PDCL2: variants seen among roughly 807,000 people sequenced by gnomAD.
PDCL2 encodes the protein phosducin-like protein 2.
A neutral mutation model predicts 30.3 loss-of-function variants in PDCL2; 23 were observed. The observed-to-expected ratio is 0.76, with a 90% CI of 0.55 to 1.08. The LOEUF (loss-of-function observed/expected upper bound fraction) is 1.08, where lower values mean the gene tolerates loss of function less well. Among genes scored for constraint, PDCL2 ranks in the 50% least tolerant of loss-of-function variants. The probability of loss-of-function intolerance (pLI) is 0.00; values close to 1 mark genes in which losing one functional copy is unlikely to be tolerated. For missense variants in PDCL2, 243 were observed against 282.3 expected (o/e 0.86, Z 1.00); for synonymous variants, 68 against 86.2 (o/e 0.79, Z 1.17).
At chr4:55,577,172 G>C (rs1577913891) in intron 3 of PDCL2, among the ~76,000 whole-genome samples, 1 of 152,340 alleles carries the variant, frequency 6.6e-6, no homozygotes, top group African/African-American at 2.4e-5. Flanking sequence ...TGGGATTACA[G>C]GCATGGGCCA....
intron 5 of PDCL2, among the ~76,000 whole-genome samples, chr4:55,561,333 G>A (rs939281424): frequency 6.6e-5 from 10 of 152,024 alleles, no homozygotes; most frequent in South Asian, 2.1e-4. Flanking sequence ...AGGCTGAGGC[G>A]GGCGGATCTC....
chr4:55,587,238 A>G (rs1376538237), intron 1 of PDCL2, among the ~76,000 whole-genome samples: 2 of 148,916 alleles, frequency 1.3e-5, no homozygotes, highest in East Asian at 1.9e-4. Flanking sequence ...AAAAAAAAAA[A>G]AAAAAAAAGG....
intron 3 of PDCL2, among the ~76,000 whole-genome samples, chr4:55,575,714 T>C (rs993250502): frequency 6.6e-6 from 1 of 152,158 alleles, no homozygotes; most frequent in East Asian, 1.9e-4. Context: ...TCAATAAGAC[T>C]ATCAGCCAGT....
In PDCL2 at chr4:55,575,999, A is replaced by T. The variant is rs114562949; in HGVS notation, c.218+4822T>A. 3.6e-3 allele frequency among the ~76,000 whole-genome samples: 552 copies of T among 152,318 alleles called. 2 individuals are homozygous for T. The highest frequency in any genetic ancestry group is 0.013 in the African/African-American group (530 of 41,576). ...CCAAAGCCACATGAAGAAACGAGGA[A>T]CATGGTGAAGTTAACTACATAGGGA... is the stretch of plus-strand genomic sequence containing the variant. On this transcript the variant is annotated intron_variant, in intron 3 of 5. Transcript: ENST00000295645.
In PDCL2 at chr4:55,582,116, C is replaced by T. The variant is rs776576274; in HGVS notation, c.127+1G>A. 1 of 1,612,718 alleles carries T rather than the reference C, an allele frequency of 6.2e-7. No homozygotes were observed. Among genetic ancestry groups the T allele is most frequent in the Admixed American group, 1.7e-5 (1 of 59,840 alleles). ...CCAGCCCACCAAATCTACGACCATA[C>T]CCATTGCTTCTTTCTGTAAACGTAA... On this transcript the variant is annotated splice_donor_variant, in intron 2 of 5. Transcript: ENST00000295645. LOFTEE classifies it high-confidence loss of function.
intron 3 of PDCL2, among the ~76,000 whole-genome samples, chr4:55,573,225 A>G (rs1169419563): frequency 6.6e-6 from 1 of 152,174 alleles, no homozygotes; most frequent in East Asian, 1.9e-4. Context: ...TATGTCAAAA[A>G]GGCCAATTTA....
chr4:55,590,505 G>A (rs7660808), intron 1 of PDCL2, among the ~76,000 whole-genome samples: 63,355 of 143,610 alleles, frequency 0.44, 15,216 homozygotes, highest in African/African-American at 0.65. Flanking sequence ...TTTCCCCCCC[G>A]AGATGGAATC....
intron 3 of PDCL2, among the ~76,000 whole-genome samples, chr4:55,572,853 G>A (rs971298303): frequency 1.3e-5 from 2 of 151,908 alleles, no homozygotes; most frequent in African/African-American, 4.8e-5. Flanking sequence ...TCCGCCTCCC[G>A]GGTTCACGCC....
intron 4 of PDCL2, 139 bp from the exon 5 acceptor site, chr4:55,562,751 C>A: frequency 1.8e-6 from 1 of 561,946 alleles, no homozygotes; most frequent in Non-Finnish European, 3.0e-6. Flanking sequence ...TCTATTGTTA[C>A]CTTTAGCAAT....
At chr4:55,567,914 T>A (rs946598357) in intron 4 of PDCL2, among the ~76,000 whole-genome samples, 2 of 152,170 alleles carry the variant, frequency 1.3e-5, no homozygotes, top group Non-Finnish European at 2.9e-5. Context: ...TCCTTTTAGG[T>A]CAACACATTC....
At chr4:55,565,870 G>A (rs541692912) in intron 4 of PDCL2, among the ~76,000 whole-genome samples, 2 of 151,110 alleles carry the variant, frequency 1.3e-5, no homozygotes, top group Admixed American at 1.3e-4. Flanking sequence ...ACTCTATATG[G>A]GCAGCAGGCA....
At chr4:55,565,971 C>CTGTTTT (rs1732253695) in intron 4 of PDCL2, among the ~76,000 whole-genome samples, 1 of 87,012 alleles carries the variant, frequency 1.1e-5, no homozygotes, top group African/African-American at 4.5e-5. Flanking sequence ...ATCCATTTTT[C>CTGTTTT]TGTTTTTTTT....
intron 4 of PDCL2, among the ~76,000 whole-genome samples, chr4:55,566,931 T>C (rs1732284144): frequency 6.6e-6 from 1 of 152,212 alleles, no homozygotes; most frequent in Admixed American, 6.5e-5. Flanking sequence ...TTCTAAAAAC[T>C]AGTAATTTAT....
In PDCL2 at chr4:55,590,625, T is replaced by A. The variant is rs182090311; in HGVS notation, c.6+1479A>T. On this transcript the variant is annotated intron_variant, in intron 1 of 5. Coordinates refer to ENST00000295645, the MANE Select transcript of PDCL2 (RefSeq NM_152401.3). ...TCTCAGCCTCCCAAGTAGCTGGGAC[T>A]ACAGGTATGTGCCACAATGTCCAGC... Among the ~76,000 whole-genome samples, 35 of 151,682 alleles carry A rather than the reference T, an allele frequency of 2.3e-4. No individual in the cohort carries two copies. In the East Asian group the frequency reaches 6.5e-3, roughly 28 times the overall value.
chr4:55,578,914 C>T (rs1291368456), intron 3 of PDCL2, among the ~76,000 whole-genome samples: 2 of 152,136 alleles, frequency 1.3e-5, no homozygotes, highest in East Asian at 1.9e-4. Context: ...GGATCTTACC[C>T]ATAGGAAATT....
chr4:55,577,763 C>G (rs1014612098), intron 3 of PDCL2, among the ~76,000 whole-genome samples: 2 of 152,110 alleles, frequency 1.3e-5, no homozygotes, highest in Non-Finnish European at 2.9e-5. Flanking sequence ...ATCTTTTTAG[C>G]TCTTTAAGCA....
intron 5 of PDCL2, among the ~76,000 whole-genome samples, chr4:55,561,364 C>T (rs1221796890): frequency 2.6e-5 from 4 of 152,002 alleles, no homozygotes; most frequent in Non-Finnish European, 5.9e-5. Context: ...GAGTTCAAGA[C>T]CAGCCTGGCC....
chr4:55,580,771 T>C, intron 3 of PDCL2, 50 bp downstream of exon 3: 1 of 1,337,748 alleles, frequency 7.5e-7, no homozygotes, highest in African/African-American at 1.5e-5. Flanking sequence ...GTTTTATTCT[T>C]ATTATACTTC....
chr4:55,582,714 G>A (rs997438294), intron 1 of PDCL2, among the ~76,000 whole-genome samples: 5 of 151,318 alleles, frequency 3.3e-5, no homozygotes, highest in South Asian at 2.1e-4. Context: ...CCATTAACTC[G>A]TCATTTACAT....
Sources: allele counts gnomAD v4.1 joint callset (sites outside exome capture counted in the v4.1 genomes callset), GRCh38; gene constraint gnomAD v4.1.1; transcripts MANE v1.5; gene names NCBI Gene and HGNC (gene_info 2026-07-23, HGNC 2026-07-21).